Variants in PROM1 observed in about 807,000 individuals in gnomAD.
The protein encoded by PROM1 is prominin-1.
Under a neutral mutation model 116.9 loss-of-function variants are expected in PROM1, and 105 were observed. That is an observed-to-expected ratio of 0.90 (90% CI 0.77 to 1.06). PROM1 has a LOEUF of 1.06. Ranked by LOEUF, PROM1 falls within the 50% of genes least tolerant of loss-of-function variation. The pLI, the probability that PROM1 is intolerant of heterozygous loss-of-function variation, is 0.00. For missense variants in PROM1, 1,122 were observed against 1,045.2 expected (o/e 1.07, Z -1.01); for synonymous variants, 393 against 387.0 (o/e 1.02, Z -0.18).
chr4:15,982,410 A>G (rs3796856), intron 23 of PROM1, among the ~76,000 whole-genome samples: 92,370 of 152,072 alleles, frequency 0.61, 28,379 homozygotes, highest in Middle Eastern at 0.67. Context: ...TGTCTTGAGA[A>G]GCTTTATAAC....
intron 26 of PROM1, among the ~76,000 whole-genome samples, chr4:15,977,248 G>C (rs531803115): frequency 2.6e-4 from 40 of 152,296 alleles, no homozygotes; most frequent in African/African-American, 9.4e-4. Context: ...TTAGAACAGA[G>C]AGTACTTTCA....
At chr4:16,060,751 C>T (rs1740127813) in intron 2 of PROM1, among the ~76,000 whole-genome samples, 1 of 152,064 alleles carries the variant, frequency 6.6e-6, no homozygotes, top group Non-Finnish European at 1.5e-5. Context: ...TTTACTTTTC[C>T]TTTTTCATCC....
chr4:16,014,461 G>A (rs1578030615), intron 10 of PROM1, among the ~76,000 whole-genome samples: 1 of 152,290 alleles, frequency 6.6e-6, no homozygotes, highest in South Asian at 2.1e-4. Context: ...TAACACCAGA[G>A]TGCAAAGACC....
chr4:16,005,289 G>T (rs1025307867), intron 13 of PROM1, among the ~76,000 whole-genome samples: 13 of 152,148 alleles, frequency 8.5e-5, no homozygotes, highest in African/African-American at 3.1e-4. Flanking sequence ...GCTTTGGCCT[G>T]TGAGCATCTA....
chr4:16,060,047 T>C (rs930971872), intron 2 of PROM1, among the ~76,000 whole-genome samples: 2 of 152,186 alleles, frequency 1.3e-5, no homozygotes, highest in East Asian at 1.9e-4. Flanking sequence ...GGCTTCTACA[T>C]GCATAAAATA....
chr4:15,998,418 G>C lies in PROM1; in HGVS notation c.1649C>G (p.Ser550Ter). 2 of 1,605,416 alleles carry C rather than the reference G, an allele frequency of 1.2e-6. No individual in the cohort carries two copies. Among genetic ancestry groups the C allele is most frequent in the South Asian group, 2.3e-5 (2 of 88,178 alleles). Residue 550 changes from serine to a stop codon, truncating the protein, a stop_gained, in exon 15 of 28, where the codon TCA (serine) becomes TGA (stop). Coordinates refer to ENST00000447510, the MANE Select transcript of PROM1 (RefSeq NM_006017.3). LOFTEE classifies it high-confidence loss of function. ...TTGTTCAAAAGTGAGCTTCATTTTT[G>C]ATTTATTAAATAGCTTCCCAGAGAG... ...YYLSGKLFNK[S>*]KMKLTFEQVY...
chr4:16,004,832 T>TTCTTCTTCCTTCCTTC (rs1203366908), intron 13 of PROM1, among the ~76,000 whole-genome samples: 2 of 122,506 alleles, frequency 1.6e-5, no homozygotes, highest in African/African-American at 6.0e-5. Flanking sequence ...TCTTTCTTTT[T>TTCTTCTTCCTTCCTTC]CTTCCTTCCT....
intron 16 of PROM1, among the ~76,000 whole-genome samples, chr4:15,993,552 A>G (rs1464744402): frequency 6.8e-6 from 1 of 146,794 alleles, no homozygotes; most frequent in Non-Finnish European, 1.5e-5. Context: ...TGCGACTCAT[A>G]AGGAAGGAGA....
At chr4:16,025,526 AGAG>A (rs1731040096) in intron 5 of PROM1, among the ~76,000 whole-genome samples, 1 of 152,218 alleles carries the variant, frequency 6.6e-6, no homozygotes, top group South Asian at 2.1e-4. Flanking sequence ...CAGTCCTCTC[AGAG>A]GAGGCAAATT....
At position 15,998,508 on chromosome 4, in the gene PROM1, A is replaced by G; in HGVS notation, c.1579-20T>C. ...CAAAACCTAGAACACATTAGGAAGTATTTTCGAAAAATCAGTTTTACACTA... is the reference window on the plus strand; with the variant it reads ...CAAAACCTAGAACACATTAGGAAGTGTTTTCGAAAAATCAGTTTTACACTA... On this transcript the variant is annotated intron_variant, in intron 14 of 27. Coordinates refer to ENST00000447510, the MANE Select transcript of PROM1 (RefSeq NM_006017.3). 1 of 1,558,724 alleles carries G rather than the reference A, an allele frequency of 6.4e-7. No individual in the cohort carries two copies. The highest frequency in any genetic ancestry group is 1.3e-5 in the South Asian group (1 of 79,110).
rs946635123 is a variant in PROM1, at chr4:16,064,912, G to T, written c.220+10775C>A. Among the ~76,000 whole-genome samples the T allele has an allele frequency of 4.6e-5, 7 of 152,082 alleles. No homozygotes were observed. In the East Asian group the frequency reaches 1.2e-3, roughly 25 times the overall value. On this transcript the variant is annotated intron_variant, in intron 2 of 27. Transcript: ENST00000447510. Reference sequence around the variant, plus strand: ...CCATCTCAAAAAAAAGAAAAGAAAAGAAAATTCTGATTGAGTTAAGTGTGG... The same window carrying T: ...CCATCTCAAAAAAAAGAAAAGAAAATAAAATTCTGATTGAGTTAAGTGTGG...
In PROM1 at chr4:16,009,167, T is replaced by C. The variant is rs953397478; in HGVS notation, c.1142-59A>G. On this transcript the variant is annotated intron_variant, in intron 11 of 27. Coordinates refer to ENST00000447510, the MANE Select transcript of PROM1 (RefSeq NM_006017.3). The stretch of plus-strand genomic sequence containing the variant: ...AAACATGGAGGAAATAGAAACTTTG[T>C]TTTGGAACCAAACAGAAAAGCCTGA... 4 of 1,488,082 alleles carry C rather than the reference T, an allele frequency of 2.7e-6. No individual in the cohort carries two copies. The African/African-American group carries it at 5.6e-5, about 21-fold the overall frequency. 92.2% of individuals were successfully genotyped at this position (1,488,082 alleles called of 1,614,324 possible).
At chr4:16,078,482 C>G (rs986424276) in intron 1 of PROM1, among the ~76,000 whole-genome samples, 6 of 152,204 alleles carry the variant, frequency 3.9e-5, no homozygotes, top group African/African-American at 1.2e-4. Flanking sequence ...GGCGTAGAAG[C>G]CAAAATATGT....
chr4:15,971,147 CTG>C (rs1560365010), intron 26 of PROM1, 65 bp from the exon 27 acceptor site: 1 of 1,383,926 alleles, frequency 7.2e-7, no homozygotes, highest in African/African-American at 1.4e-5. Flanking sequence ...TTCATCACCT[CTG>C]TGCTAAGAAG....
chr4:16,033,672 C>A (rs59386262), intron 4 of PROM1, among the ~76,000 whole-genome samples, 163 bp from the exon 5 acceptor site: 60,223 of 144,680 alleles, frequency 0.42, 14,787 homozygotes, highest in Non-Finnish European at 0.56. Context: ...TCACTGCAAC[C>A]TCTGCCTCCT....
chr4:16,009,257 T>C (rs2149251300), intron 11 of PROM1, 149 bp from the exon 12 acceptor site: 1 of 677,334 alleles, frequency 1.5e-6, no homozygotes, highest in East Asian at 2.7e-5. Context: ...TCAACAAGCA[T>C]GAATATAGCC....
At chr4:16,002,996 C>T (rs905334930) in intron 13 of PROM1, among the ~76,000 whole-genome samples, 8 of 152,072 alleles carry the variant, frequency 5.3e-5, no homozygotes, top group East Asian at 1.9e-4. Context: ...CAAGAATATG[C>T]GACAAAGACT....
intron 24 of PROM1, 25 bp downstream of exon 24, chr4:15,980,397 C>G (rs764185270): frequency 3.5e-6 from 5 of 1,441,670 alleles, no homozygotes; most frequent in Non-Finnish European, 4.8e-6. Flanking sequence ...ATGACCCCCA[C>G]GTCTGTGGAA....
chr4:15,990,540 A>C (rs1348140723), intron 18 of PROM1, among the ~76,000 whole-genome samples: 1 of 152,200 alleles, frequency 6.6e-6, no homozygotes, highest in East Asian at 1.9e-4. Context: ...ACCTGTGTGC[A>C]TGGGCGGGTG....
Sources: allele counts gnomAD v4.1 joint callset (sites outside exome capture counted in the v4.1 genomes callset), GRCh38; gene constraint gnomAD v4.1.1; transcripts MANE v1.5; gene names NCBI Gene and HGNC (gene_info 2026-07-23, HGNC 2026-07-21).